The following DGKI variants were observed in gnomAD, a reference collection of about 807,000 sequenced individuals.
DGKI encodes diacylglycerol kinase iota, also known as DAG kinase iota.
In DGKI, 55 loss-of-function variants were observed where a neutral mutation model predicts 147.5. That is an observed-to-expected ratio of 0.37 (90% CI 0.30 to 0.47). DGKI has a LOEUF of 0.47. Ranked by LOEUF, DGKI falls within the 20% of genes least tolerant of loss-of-function variation. The pLI, the probability that DGKI is intolerant of heterozygous loss-of-function variation, is 1.00. For synonymous variants in DGKI, 469 were observed against 477.1 expected, an observed-to-expected ratio of 0.98 and a Z score of 0.22; for missense variants, 1,007 against 1,323.8, an observed-to-expected ratio of 0.76 and a Z score of 3.71.
intron 4 of DGKI, 63 bp downstream of exon 4, chr7:137,656,403 C>G (rs925259105): frequency 1.2e-5 from 19 of 1,552,132 alleles, no homozygotes; most frequent in Admixed American, 1.7e-5. Context: ...GAAATTTACA[C>G]CGGGCCTCTG....
chr7:137,577,157 T>C (rs1049121484), intron 17 of DGKI, 65 bp downstream of exon 17: 101 of 1,133,668 alleles, frequency 8.9e-5, no homozygotes, highest in African/African-American at 1.4e-4. Flanking sequence ...AACTAAGTAT[T>C]TGGGAGTTTT....
chr7:137,566,899 C>A (rs10226970), intron 19 of DGKI, among the ~76,000 whole-genome samples: 2,728 of 110,170 alleles, frequency 0.025, 62 homozygotes, highest in South Asian at 0.12. Flanking sequence ...TTGAGATATT[C>A]TCTCTTTTAT....
chr7:137,432,114 T>TC, intron 28 of DGKI, among the ~76,000 whole-genome samples: 1 of 152,284 alleles, frequency 6.6e-6, no homozygotes, highest in South Asian at 2.1e-4. Flanking sequence ...TGTGCCTGCT[T>TC]CCCCTTCGCC....
intron 27 of DGKI, among the ~76,000 whole-genome samples, chr7:137,451,576 A>G (rs1339789277): frequency 1.3e-5 from 2 of 152,226 alleles, no homozygotes; most frequent in Non-Finnish European, 2.9e-5. Flanking sequence ...AATGAGTATT[A>G]TATTTGGGAA....
intron 21 of DGKI, among the ~76,000 whole-genome samples, chr7:137,498,547 A>T (rs1481633710): frequency 1.3e-5 from 2 of 152,090 alleles, no homozygotes; most frequent in Non-Finnish European, 2.9e-5. Context: ...GAAAGGAAAA[A>T]CCAGATTATA....
intron 30 of DGKI, among the ~76,000 whole-genome samples, chr7:137,402,848 GA>G (rs1183360756): frequency 6.6e-6 from 1 of 151,950 alleles, no homozygotes; most frequent in Non-Finnish European, 1.5e-5. Flanking sequence ...ACCAGAGGCA[GA>G]AAAAGGGGGG....
intron 8 of DGKI, among the ~76,000 whole-genome samples, chr7:137,618,151 A>ATTTTTTTTTT (rs1156891729): frequency 9.6e-5 from 1 of 10,462 alleles, no homozygotes; most frequent in African/African-American, 1.2e-4. Context: ...ATATATATAT[A>ATTTTTTTTTT]TTTTTTTTTT....
At chr7:137,750,366 C>T (rs547425331) in intron 1 of DGKI, among the ~76,000 whole-genome samples, 3 of 152,280 alleles carry the variant, frequency 2.0e-5, no homozygotes, top group African/African-American at 7.2e-5. Context: ...CACCATGAAG[C>T]ACACCAAAAT....
chr7:137,618,840 G>A (rs1005488715), intron 8 of DGKI, among the ~76,000 whole-genome samples: 3 of 151,992 alleles, frequency 2.0e-5, no homozygotes, highest in African/African-American at 7.2e-5. Context: ...CTTGCCTCTG[G>A]AAAAAAATAT....
chr7:137,698,120 AG>A (rs762708194), intron 1 of DGKI, among the ~76,000 whole-genome samples: 18 of 150,598 alleles, frequency 1.2e-4, no homozygotes, highest in Non-Finnish European at 2.2e-4. Flanking sequence ...AGATATATAT[AG>A]ATATAGATAT....
At chr7:137,664,377 C>CAAA (rs1190186766) in intron 3 of DGKI, among the ~76,000 whole-genome samples, 51 of 55,894 alleles carry the variant, frequency 9.1e-4, no homozygotes, top group Non-Finnish European at 1.7e-3. Context: ...GACTCCATCT[C>CAAA]AAAAAAAAAA....
intron 19 of DGKI, among the ~76,000 whole-genome samples, chr7:137,560,863 T>C (rs1818396457): frequency 6.6e-6 from 1 of 152,182 alleles, no homozygotes; most frequent in African/African-American, 2.4e-5. Flanking sequence ...CATTTTAGAC[T>C]TCTGATCTCC....
intron 6 of DGKI, among the ~76,000 whole-genome samples, chr7:137,638,453 CAT>C (rs1172505922): frequency 1.2e-5 from 1 of 81,712 alleles, no homozygotes. Context: ...TACACACACA[CAT>C]ATATATGTGT....
chr7:137,537,759 G>A (rs1817567313), intron 20 of DGKI, among the ~76,000 whole-genome samples: 1 of 152,174 alleles, frequency 6.6e-6, no homozygotes, highest in Non-Finnish European at 1.5e-5. Context: ...GCCACCAGCA[G>A]CTTAATTCAT....
Position 137,408,584 on chromosome 7 carries a change from G to C in DGKI, c.2800-589C>G, listed in dbSNP as rs182947789. On this transcript the variant is annotated intron_variant, in intron 29 of 32. Coordinates refer to ENST00000614521, the MANE Select transcript of DGKI (RefSeq NM_001321708.2). ...CACATCTGGCTTCCTTCTTCATCCA[G>C]ATATGCAGCCCAGCCTGCAAACCTT... is the stretch of plus-strand genomic sequence containing the variant. Among the ~76,000 whole-genome samples the C allele has an allele frequency of 3.1e-3, 470 of 152,166 alleles. 4 individuals carry two copies. The highest frequency in any genetic ancestry group is 4.4e-3 in the Non-Finnish European group (296 of 68,008).
At chr7:137,756,059 A>T (rs1171135691) in intron 1 of DGKI, among the ~76,000 whole-genome samples, 1 of 152,228 alleles carries the variant, frequency 6.6e-6, no homozygotes, top group African/African-American at 2.4e-5. Flanking sequence ...TTATGCAGTC[A>T]TCAACAGTAA....
chr7:137,549,037 T>G (rs1817958229), intron 20 of DGKI, among the ~76,000 whole-genome samples: 1 of 152,128 alleles, frequency 6.6e-6, no homozygotes, highest in East Asian at 1.9e-4. Context: ...AAAAATGGAC[T>G]AACACAGGTG....
intron 1 of DGKI, among the ~76,000 whole-genome samples, chr7:137,709,104 C>T (rs1480634265): frequency 1.3e-5 from 2 of 152,154 alleles, no homozygotes; most frequent in Non-Finnish European, 2.9e-5. Context: ...GAGAAGACTA[C>T]ATTTTACAGG....
At chr7:137,590,262 G>T (rs1473770234) in intron 12 of DGKI, among the ~76,000 whole-genome samples, 2 of 152,188 alleles carry the variant, frequency 1.3e-5, no homozygotes, top group African/African-American at 4.8e-5. Flanking sequence ...GAAGGAATGT[G>T]AAAACCAGTC....
Sources: gnomAD v4.1 joint callset for allele counts (sites outside exome capture counted in the v4.1 genomes callset) on GRCh38, gnomAD v4.1.1 for gene constraint, MANE v1.5 for transcripts, NCBI Gene and HGNC (gene_info 2026-07-23, HGNC 2026-07-21) for gene names.